The following EFCAB14 variants were observed in gnomAD, a reference collection of about 807,000 sequenced individuals.
EFCAB14 encodes EF-hand calcium-binding domain-containing protein 14.
In EFCAB14, 43 loss-of-function variants were observed where a neutral mutation model predicts 56.5. The observed-to-expected ratio is 0.76, with a 90% confidence interval of 0.60 to 0.98. EFCAB14 has a LOEUF of 0.98. EFCAB14 is among the 50% of genes least tolerant of loss of function. The probability of loss-of-function intolerance (pLI) is 0.00; values close to 1 mark genes in which losing one functional copy is unlikely to be tolerated. For missense variants in EFCAB14, 538 were observed against 580.3 expected (o/e 0.93, Z 0.75); for synonymous variants, 235 against 212.9 (o/e 1.10, Z -0.90).
chr1:46,718,234 T>A lies in EFCAB14; in HGVS notation c.-147A>T. On this transcript the variant is annotated 5_prime_UTR_variant, in exon 1 of 11. Transcript: ENST00000371933. ...GGTCACTCCCACCTAGGGGTGGGAC[T>A]GACCAGATCCGCCAGGGACTGGAGA... The A allele has an allele frequency of 1.4e-6, 1 of 712,356 alleles. No individual in the cohort carries two copies. Among genetic ancestry groups the A allele is most frequent in the Non-Finnish European group, 2.3e-6 (1 of 436,630 alleles). The allele number at this position is 712,356 out of a possible 1,614,324, so 44.1% of individuals were successfully genotyped here.
chr1:46,692,271 T>C (rs1677004961), intron 4 of EFCAB14, among the ~76,000 whole-genome samples: 1 of 152,238 alleles, frequency 6.6e-6, no homozygotes, highest in African/African-American at 2.4e-5. Context: ...GAATTGGGAT[T>C]CATCCATGTT....
At chr1:46,681,915 G>A (rs1557438893) in intron 10 of EFCAB14, among the ~76,000 whole-genome samples, 1 of 151,656 alleles carries the variant, frequency 6.6e-6, no homozygotes, top group Non-Finnish European at 1.5e-5. Context: ...GTGGCAGGAA[G>A]CTTGTGTTCC....
rs753565759 is a variant in EFCAB14 at position 46,684,587 on chromosome 1, T to G, written c.1090A>C (p.Asn364His). ...TCTCTTAGCTTGGATACCTGAGAAT[T>G]TGAACTATCTTCTTTCTGCACAAAA... ...IQSIKKEDSS[N>H]SQVSKLREKL... Residue 364 changes from asparagine (N) to histidine (H), a missense_variant, in exon 9 of 11, where the codon AAT becomes CAT. By Grantham distance (68) the Asn-to-His change is moderately conservative. Coordinates refer to ENST00000371933, the MANE Select transcript of EFCAB14 (RefSeq NM_014774.3). 9 of 1,613,864 alleles carry G rather than the reference T, an allele frequency of 5.6e-6. No homozygotes were observed. The East Asian group carries it at 1.6e-4, about 28-fold the overall frequency.
At chr1:46,713,919 T>C (rs1265122002) in intron 2 of EFCAB14, among the ~76,000 whole-genome samples, 1 of 152,128 alleles carries the variant, frequency 6.6e-6, no homozygotes, top group African/African-American at 2.4e-5. Context: ...CAAGGACAAC[T>C]ATAAAGGAGG....
At chr1:46,710,156 T>C (rs545469513) in intron 2 of EFCAB14, among the ~76,000 whole-genome samples, 2 of 152,284 alleles carry the variant, frequency 1.3e-5, no homozygotes, top group East Asian at 3.9e-4. Flanking sequence ...TTTCCAAAAA[T>C]GTTTGCCAAA....
At chr1:46,679,299 A>C (rs1178536274) in intron 10 of EFCAB14, among the ~76,000 whole-genome samples, 2 of 152,108 alleles carry the variant, frequency 1.3e-5, no homozygotes, top group African/African-American at 4.8e-5. Context: ...AATACAATAC[A>C]AATTTCTTTT....
Position 46,684,602 on chromosome 1 carries a change from T to G in EFCAB14, c.1075A>C (p.Lys359Gln). 6.2e-7 allele frequency: 1 copy of G among 1,612,404 alleles called. No homozygotes were observed. The highest frequency in any genetic ancestry group is 8.5e-7 in the Non-Finnish European group (1 of 1,178,404). The change falls in exon 9 of 11, where the codon AAA becomes CAA. Residue 359 changes from lysine (K) to glutamine (Q), a missense_variant and splice_region_variant. Transcript: ENST00000371933. ...TDTVKIQSIK[K>Q]EDSSNSQVSK... is the part of the protein sequence containing the mutation. ...ACCTGAGAATTTGAACTATCTTCTT[T>G]CTGCACAAAACAAAGATTATAGAAG...
rs116357103 is a variant in EFCAB14 at position 46,712,664 on chromosome 1, C to T, written c.334+3631G>A. On this transcript the variant is annotated intron_variant, in intron 2 of 10. Transcript: ENST00000371933. ...ACAAGCAGGTGGTCTTATCCAAGTT[C>T]GTGAATCCCACTGTCTTCTTGAAAA... 2.6e-3 allele frequency among the ~76,000 whole-genome samples: 401 copies of T among 152,028 alleles called. 1 individual carries two copies. The highest frequency in any genetic ancestry group is 9.4e-3 in the African/African-American group (390 of 41,488).
intron 3 of EFCAB14, among the ~76,000 whole-genome samples, chr1:46,702,948 C>T (rs1677181278): frequency 6.6e-6 from 1 of 152,142 alleles, no homozygotes; most frequent in Non-Finnish European, 1.5e-5. Context: ...ATTCCCTGAA[C>T]ACACCATGTT....
chr1:46,689,638 AGGTGACGGAATGATCT>A lies in EFCAB14; in HGVS notation c.728_743del (p.Gln243LeufsTer16). On this transcript the variant is annotated frameshift_variant, in exon 6 of 11. Transcript: ENST00000371933. LOFTEE classifies it high-confidence loss of function. ...TATTGTCAAGTTCTGATGTGGCTGA[AGGTGACGGAATGATCT>A]GGTTGCTTCCAGGAGTCTCCTTCAA... is the stretch of plus-strand genomic sequence containing the variant. 6.2e-7 allele frequency: 1 copy of A among 1,613,948 alleles called. No individual in the cohort carries two copies. Among genetic ancestry groups the A allele is most frequent in the Non-Finnish European group, 8.5e-7 (1 of 1,179,808 alleles).
At chr1:46,709,988 C>A (rs986475504) in intron 2 of EFCAB14, among the ~76,000 whole-genome samples, 1 of 152,070 alleles carries the variant, frequency 6.6e-6, no homozygotes, top group African/African-American at 2.4e-5. Context: ...GACTCCATCT[C>A]AAAAACAAAC....
rs1331546950 is a variant in EFCAB14, at chr1:46,691,816, G to A, written c.690+11C>T. On this transcript the variant is annotated intron_variant, in intron 5 of 10. Transcript: ENST00000371933. ...TGAGCAGGAGCATGCTGACTTGCTG[G>A]GTCTCCTTACCATATCACTCTGCAG... 15 of 1,600,908 alleles carry A rather than the reference G, an allele frequency of 9.4e-6. No homozygotes were observed. The highest frequency in any genetic ancestry group is 3.4e-5 in the Admixed American group (2 of 58,728).
chr1:46,701,947 T>C (rs893655048), intron 3 of EFCAB14, among the ~76,000 whole-genome samples: 1 of 152,266 alleles, frequency 6.6e-6, no homozygotes, highest in African/African-American at 2.4e-5. Context: ...AAAGCTTATA[T>C]ATGTAACTAA....
intron 3 of EFCAB14, among the ~76,000 whole-genome samples, chr1:46,705,702 G>A (rs1424474820): frequency 2.0e-5 from 3 of 152,054 alleles, no homozygotes; most frequent in African/African-American, 4.8e-5. Context: ...CCGATCCTGC[G>A]CTGAAATAAA....
intron 3 of EFCAB14, among the ~76,000 whole-genome samples, chr1:46,704,612 T>C (rs1292956622): frequency 1.3e-5 from 2 of 152,196 alleles, no homozygotes; most frequent in Non-Finnish European, 2.9e-5. Flanking sequence ...TGCCTTATCT[T>C]GGACTTCCCA....
At chr1:46,705,803 G>A (rs781318031) in intron 3 of EFCAB14, among the ~76,000 whole-genome samples, 50 of 151,880 alleles carry the variant, frequency 3.3e-4, no homozygotes, top group Middle Eastern at 3.2e-3. Context: ...ATGTGTTTTG[G>A]TCTTTATCTA....
chr1:46,695,066 C>T (rs7548776), intron 4 of EFCAB14, among the ~76,000 whole-genome samples: 2,059 of 120,542 alleles, frequency 0.017, 51 homozygotes, highest in African/African-American at 0.064. Context: ...CATCACACAC[C>T]GGGGCCTGTT....
intron 3 of EFCAB14, among the ~76,000 whole-genome samples, chr1:46,702,663 T>G (rs1569720342): frequency 6.6e-6 from 1 of 151,952 alleles, no homozygotes; most frequent in African/African-American, 2.4e-5. Flanking sequence ...TGAATGGCAG[T>G]TATCGTCAAT....
At chr1:46,698,173 A>C (rs1434135768) in intron 3 of EFCAB14, among the ~76,000 whole-genome samples, 1 of 152,096 alleles carries the variant, frequency 6.6e-6, no homozygotes, top group Non-Finnish European at 1.5e-5. Flanking sequence ...TTTAATTTAA[A>C]CAAAGCTCCC....
Sources: gnomAD v4.1 joint callset for allele counts (sites outside exome capture counted in the v4.1 genomes callset) on GRCh38, gnomAD v4.1.1 for gene constraint, MANE v1.5 for transcripts, NCBI Gene and HGNC (gene_info 2026-07-23, HGNC 2026-07-21) for gene names.